The following NLRP2B variants were observed in gnomAD, a reference collection of about 807,000 sequenced individuals.
The protein encoded by NLRP2B is NLR family pyrin domain containing 2B, also known as NLR family pyrin domain-containing protein 2B.
For synonymous variants in NLRP2B, 16 were observed against 3.5 expected (o/e 4.63, Z -4.03); for missense variants, 25 against 6.8 (o/e 3.70, Z -3.00).
rs2011736936 is a variant in NLRP2B, at chrX:57,678,774, G to A, written c.*1349C>T. 2 of 396,076 alleles carry A rather than the reference G, an allele frequency of 5.0e-6. No homozygotes were observed. The highest frequency in any genetic ancestry group is 5.6e-5 in the East Asian group (1 of 17,867). The allele number at this position is 396,076 out of a possible 1,213,427, so 32.6% of individuals were successfully genotyped here. A position where few individuals can be genotyped will look rare whatever the true frequency, so the allele number is the denominator to read the frequency against. ...ACTGCTGGAAGCTGAGGTGGATGTAGGAATAGCAGCCTTTAGAGACTATGT... is the reference window on the plus strand; with the variant it reads ...ACTGCTGGAAGCTGAGGTGGATGTAAGAATAGCAGCCTTTAGAGACTATGT... On this transcript the variant is annotated 3_prime_UTR_variant, in exon 1 of 1. Coordinates refer to ENST00000434992, the MANE Select transcript of NLRP2B (RefSeq NM_001319967.1).
Position 57,678,623 on chromosome X carries a change from G to A in NLRP2B, c.*1500C>T, listed in dbSNP as rs186166192. The A allele has an allele frequency of 7.3e-4, 327 of 448,159 alleles. No homozygotes were observed. Among genetic ancestry groups the A allele is most frequent in the African/African-American group, 6.8e-3 (277 of 40,940 alleles). The allele number at this position is 448,159 out of a possible 1,213,427, so 36.9% of individuals were successfully genotyped here. A position where few individuals can be genotyped will look rare whatever the true frequency, so the allele number is the denominator to read the frequency against. Reference sequence around the variant, plus strand: ...AAGTGTCTTGCTTGGATCAGGTCGGGGTTCTTGAGTCTTTCTTCTCTAGAA... The same window carrying A: ...AAGTGTCTTGCTTGGATCAGGTCGGAGTTCTTGAGTCTTTCTTCTCTAGAA... On this transcript the variant is annotated 3_prime_UTR_variant, in exon 1 of 1. Transcript: ENST00000434992.
At position 57,679,205 on chromosome X, in the gene NLRP2B, A is replaced by T; in HGVS notation, c.*918T>A. The T allele has an allele frequency of 2.2e-6, 1 of 453,794 alleles. No homozygotes were observed. 37.4% of individuals were successfully genotyped at this position (453,794 alleles called of 1,213,427 possible). A position where few individuals can be genotyped will look rare whatever the true frequency, so the allele number is the denominator to read the frequency against. On this transcript the variant is annotated 3_prime_UTR_variant, in exon 1 of 1. Coordinates refer to ENST00000434992, the MANE Select transcript of NLRP2B (RefSeq NM_001319967.1). Reference sequence around the variant, plus strand: ...TCTCCAGGAACTCCTCCACCCTTACATAGATCGGCCGCTCCACCAACAGCC... The same window carrying T: ...TCTCCAGGAACTCCTCCACCCTTACTTAGATCGGCCGCTCCACCAACAGCC...
In NLRP2B at chrX:57,678,394, G is replaced by A; in HGVS notation, c.*1729C>T. 1.9e-6 allele frequency: 1 copy of A among 522,824 alleles called. No homozygotes were observed. Among genetic ancestry groups the A allele is most frequent in the Non-Finnish European group, 3.5e-6 (1 of 283,938 alleles). The allele number at this position is 522,824 out of a possible 1,213,427, so 43.1% of individuals were successfully genotyped here. A position where few individuals can be genotyped will look rare whatever the true frequency, so the allele number is the denominator to read the frequency against. ...GTGCAGGGATATTTCTTTGAACGGA[G>A]CCATCACTCCCTTCACCAGCTCCTC... On this transcript the variant is annotated 3_prime_UTR_variant, in exon 1 of 1. Transcript: ENST00000434992.
In NLRP2B at chrX:57,678,668, C is replaced by T. The variant is rs762274647; in HGVS notation, c.*1455G>A. 4 of 422,280 alleles carry T rather than the reference C, an allele frequency of 9.5e-6. No individual in the cohort carries two copies. Among genetic ancestry groups the T allele is most frequent in the Admixed American group, 3.2e-5 (1 of 31,486 alleles). 34.8% of individuals were successfully genotyped at this position (422,280 alleles called of 1,213,427 possible). A position where few individuals can be genotyped will look rare whatever the true frequency, so the allele number is the denominator to read the frequency against. ...CTAGAAAACAGCTTCTGCACGTCTC[C>T]ATTGTCCCAGGCGTGGCCGTCCTTG... On this transcript the variant is annotated 3_prime_UTR_variant, in exon 1 of 1. Coordinates refer to ENST00000434992, the MANE Select transcript of NLRP2B (RefSeq NM_001319967.1).
rs1238139625 is a variant in NLRP2B, at chrX:57,678,861, C to T, written c.*1262G>A. 2 of 368,067 alleles carry T rather than the reference C, an allele frequency of 5.4e-6. No individual in the cohort carries two copies. Among genetic ancestry groups the T allele is most frequent in the East Asian group, 6.0e-5 (1 of 16,634 alleles). The allele number at this position is 368,067 out of a possible 1,213,427, so 30.3% of individuals were successfully genotyped here. ...TGTTGAACTCCTGCACCCCGAGCCT[C>T]GCCAAGTCCTCTCCACGGAACACTG... On this transcript the variant is annotated 3_prime_UTR_variant, in exon 1 of 1. Coordinates refer to ENST00000434992, the MANE Select transcript of NLRP2B (RefSeq NM_001319967.1).
rs2011733974 is a variant in NLRP2B at position 57,678,621 on chromosome X, G to A, written c.*1502C>T. ...AGAAGTGTCTTGCTTGGATCAGGTC[G>A]GGGTTCTTGAGTCTTTCTTCTCTAG... On this transcript the variant is annotated 3_prime_UTR_variant, in exon 1 of 1. Coordinates refer to ENST00000434992, the MANE Select transcript of NLRP2B (RefSeq NM_001319967.1). 6 of 452,342 alleles carry A rather than the reference G, an allele frequency of 1.3e-5. No individual in the cohort carries two copies. The highest frequency in any genetic ancestry group is 1.2e-4 in the East Asian group (3 of 25,047). 37.3% of individuals were successfully genotyped at this position (452,342 alleles called of 1,213,427 possible).
rs759071241 is a variant in NLRP2B at position 57,678,728 on chromosome X, C to A, written c.*1395G>T. 1.5e-5 allele frequency: 6 copies of A among 399,626 alleles called. No individual in the cohort carries two copies. In the East Asian group the frequency reaches 2.6e-4, roughly 18 times the overall value. The allele number at this position is 399,626 out of a possible 1,213,427, so 32.9% of individuals were successfully genotyped here. A position where few individuals can be genotyped will look rare whatever the true frequency, so the allele number is the denominator to read the frequency against. ...TCCTCCTCCTCCTCCTTCTCCAGGGCGTGGAACAGCACAGTGAAAAACTGC... is the reference window on the plus strand; with the variant it reads ...TCCTCCTCCTCCTCCTTCTCCAGGGAGTGGAACAGCACAGTGAAAAACTGC... On this transcript the variant is annotated 3_prime_UTR_variant, in exon 1 of 1. Transcript: ENST00000434992.
At position 57,677,648 on chromosome X, in the gene NLRP2B, G is replaced by C. The variant is rs779543188; in HGVS notation, c.*2475C>G. 6 of 327,135 alleles carry C rather than the reference G, an allele frequency of 1.8e-5. No individual in the cohort carries two copies. Among genetic ancestry groups the C allele is most frequent in the Non-Finnish European group, 3.5e-5 (6 of 169,686 alleles). The allele number at this position is 327,135 out of a possible 1,213,427, so 27.0% of individuals were successfully genotyped here. On this transcript the variant is annotated 3_prime_UTR_variant, in exon 1 of 1. Coordinates refer to ENST00000434992, the MANE Select transcript of NLRP2B (RefSeq NM_001319967.1). ...GGGGGGTTCTTGGCCAAGCACAGGTGTGTCAGCTCCCCGCTGACAACCAAA... is the reference window on the plus strand; with the variant it reads ...GGGGGGTTCTTGGCCAAGCACAGGTCTGTCAGCTCCCCGCTGACAACCAAA...
At position 57,678,997 on chromosome X, in the gene NLRP2B, G is replaced by A; in HGVS notation, c.*1126C>T. 2 of 452,264 alleles carry A rather than the reference G, an allele frequency of 4.4e-6. No individual in the cohort carries two copies. The highest frequency in any genetic ancestry group is 3.8e-6 in the Non-Finnish European group (1 of 260,116). 37.3% of individuals were successfully genotyped at this position (452,264 alleles called of 1,213,427 possible). ...GCAAAGGAAGCGCAGGAACAGCCCCGTGCGGGTGGGGCGGGTCCTTCCCCT... is the reference window on the plus strand; with the variant it reads ...GCAAAGGAAGCGCAGGAACAGCCCCATGCGGGTGGGGCGGGTCCTTCCCCT... On this transcript the variant is annotated 3_prime_UTR_variant, in exon 1 of 1. Coordinates refer to ENST00000434992, the MANE Select transcript of NLRP2B (RefSeq NM_001319967.1).
Position 57,679,128 on chromosome X carries a change from A to G in NLRP2B, c.*995T>C. On this transcript the variant is annotated 3_prime_UTR_variant, in exon 1 of 1. Transcript: ENST00000434992. ...TCTTCTCATCAGCTCAAAGGCACACATGGCTTGGTCCTCGTCTCCAAAGTG... is the reference window on the plus strand; with the variant it reads ...TCTTCTCATCAGCTCAAAGGCACACGTGGCTTGGTCCTCGTCTCCAAAGTG... 2.1e-6 allele frequency: 1 copy of G among 468,212 alleles called. No individual in the cohort carries two copies. The highest frequency in any genetic ancestry group is 2.5e-5 in the Admixed American group (1 of 39,636). 38.6% of individuals were successfully genotyped at this position (468,212 alleles called of 1,213,427 possible).
rs768132470 is a variant in NLRP2B at position 57,679,768 on chromosome X, G to A, written c.*355C>T. 24 of 365,817 alleles carry A rather than the reference G, an allele frequency of 6.6e-5. No individual in the cohort carries two copies. The highest frequency in any genetic ancestry group is 3.7e-4 in the Admixed American group (9 of 24,483). The allele number at this position is 365,817 out of a possible 1,213,427, so 30.1% of individuals were successfully genotyped here. A position where few individuals can be genotyped will look rare whatever the true frequency, so the allele number is the denominator to read the frequency against. On this transcript the variant is annotated 3_prime_UTR_variant, in exon 1 of 1. Coordinates refer to ENST00000434992, the MANE Select transcript of NLRP2B (RefSeq NM_001319967.1). ...GGTTTTCCACATTTGCCAGAACTTC[G>A]TCTTCAATATACTCCTGTACCTATC...
In NLRP2B at chrX:57,679,606, GT is replaced by G; in HGVS notation, c.*516del. 2 of 505,178 alleles carry G rather than the reference GT, an allele frequency of 4.0e-6. No individual in the cohort carries two copies. The highest frequency in any genetic ancestry group is 7.1e-6 in the Non-Finnish European group (2 of 282,769). 41.6% of individuals were successfully genotyped at this position (505,178 alleles called of 1,213,427 possible). ...CAGCATTAATTTCTTGGCCAGCGTG[GT>G]TTTCCCAAGGCCCGCAGGACCATGC... On this transcript the variant is annotated 3_prime_UTR_variant, in exon 1 of 1. Coordinates refer to ENST00000434992, the MANE Select transcript of NLRP2B (RefSeq NM_001319967.1).
rs1470602240 is a variant in NLRP2B, at chrX:57,680,249, A to G, written c.12T>C (p.Ser4=). The G allele has an allele frequency of 8.3e-6, 3 of 362,222 alleles. No individual in the cohort carries two copies. The highest frequency in any genetic ancestry group is 1.5e-5 in the Non-Finnish European group (3 of 202,757). The allele number at this position is 362,222 out of a possible 1,213,427, so 29.9% of individuals were successfully genotyped here. MVS[S]AQLDFNLQAL... is the part of the protein sequence containing the mutation. ...CCTGCAGGTTGAAGTCCAGCTGTGCAGAAGACACCATCTCGTCTGACGTGG... is the reference window on the plus strand; with the variant it reads ...CCTGCAGGTTGAAGTCCAGCTGTGCGGAAGACACCATCTCGTCTGACGTGG... The change falls in exon 1 of 1, where the codon TCT becomes TCC. Residue 4 remains serine (S), a synonymous_variant. Coordinates refer to ENST00000434992, the MANE Select transcript of NLRP2B (RefSeq NM_001319967.1).
At position 57,679,351 on chromosome X, in the gene NLRP2B, C is replaced by T; in HGVS notation, c.*772G>A. ...CGGCTTCTGCTTCTCCCAGTCCCCACAGATGTCCTAGATCAGTGCCCCAGG... is the reference window on the plus strand; with the variant it reads ...CGGCTTCTGCTTCTCCCAGTCCCCATAGATGTCCTAGATCAGTGCCCCAGG... On this transcript the variant is annotated 3_prime_UTR_variant, in exon 1 of 1. Coordinates refer to ENST00000434992, the MANE Select transcript of NLRP2B (RefSeq NM_001319967.1). The T allele has an allele frequency of 3.2e-6, 2 of 626,232 alleles. No individual in the cohort carries two copies. The highest frequency in any genetic ancestry group is 2.3e-5 in the South Asian group (1 of 42,703). The allele number at this position is 626,232 out of a possible 1,213,427, so 51.6% of individuals were successfully genotyped here.
In NLRP2B at chrX:57,680,101, G is replaced by A; in HGVS notation, c.*22C>T. The A allele has an allele frequency of 4.4e-6, 2 of 451,896 alleles. No individual in the cohort carries two copies. Among genetic ancestry groups the A allele is most frequent in the Admixed American group, 5.9e-5 (2 of 33,809 alleles). The allele number at this position is 451,896 out of a possible 1,213,427, so 37.2% of individuals were successfully genotyped here. On this transcript the variant is annotated 3_prime_UTR_variant, in exon 1 of 1. Transcript: ENST00000434992. ...TGGCTGGTGATGATTTCTGCCAGTT[G>A]CTTCCCATCAGCCTTGTCTACCTAT...
At position 57,678,511 on chromosome X, in the gene NLRP2B, A is replaced by G; in HGVS notation, c.*1612T>C. On this transcript the variant is annotated 3_prime_UTR_variant, in exon 1 of 1. Coordinates refer to ENST00000434992, the MANE Select transcript of NLRP2B (RefSeq NM_001319967.1). The stretch of plus-strand genomic sequence containing the variant: ...TTCACAATTTATCTCTCATCACAGT[A>G]ATTCCTTTTTGATCTCCGGTGACAT... 2.0e-6 allele frequency: 1 copy of G among 509,311 alleles called. No individual in the cohort carries two copies. Among genetic ancestry groups the G allele is most frequent in the East Asian group, 3.6e-5 (1 of 28,137 alleles). The allele number at this position is 509,311 out of a possible 1,213,427, so 42.0% of individuals were successfully genotyped here. A position where few individuals can be genotyped will look rare whatever the true frequency, so the allele number is the denominator to read the frequency against.
At position 57,678,848 on chromosome X, in the gene NLRP2B, G is replaced by T. The variant is rs1602999740; in HGVS notation, c.*1275C>A. On this transcript the variant is annotated 3_prime_UTR_variant, in exon 1 of 1. Transcript: ENST00000434992. ...AGGGACGGGCGGATGTTGAACTCCTGCACCCCGAGCCTCGCCAAGTCCTCT... is the reference window on the plus strand; with the variant it reads ...AGGGACGGGCGGATGTTGAACTCCTTCACCCCGAGCCTCGCCAAGTCCTCT... 1 of 364,495 alleles carries T rather than the reference G, an allele frequency of 2.7e-6. No homozygotes were observed. Among genetic ancestry groups the T allele is most frequent in the Admixed American group, 3.6e-5 (1 of 27,434 alleles). 30.0% of individuals were successfully genotyped at this position (364,495 alleles called of 1,213,427 possible). A position where few individuals can be genotyped will look rare whatever the true frequency, so the allele number is the denominator to read the frequency against.
rs2011744913 is a variant in NLRP2B at position 57,679,228 on chromosome X, G to T, written c.*895C>A. 2 of 451,686 alleles carry T rather than the reference G, an allele frequency of 4.4e-6. No homozygotes were observed. The highest frequency in any genetic ancestry group is 5.7e-5 in the Admixed American group (2 of 35,181). 37.2% of individuals were successfully genotyped at this position (451,686 alleles called of 1,213,427 possible). On this transcript the variant is annotated 3_prime_UTR_variant, in exon 1 of 1. Coordinates refer to ENST00000434992, the MANE Select transcript of NLRP2B (RefSeq NM_001319967.1). The stretch of plus-strand genomic sequence containing the variant: ...ACATAGATCGGCCGCTCCACCAACA[G>T]CCGGAGGTCTCTCAGGGCCCGCAGG...
At position 57,679,257 on chromosome X, in the gene NLRP2B, C is replaced by T. The variant is rs1434075410; in HGVS notation, c.*866G>A. On this transcript the variant is annotated 3_prime_UTR_variant, in exon 1 of 1. Coordinates refer to ENST00000434992, the MANE Select transcript of NLRP2B (RefSeq NM_001319967.1). ...GAGGTCTCTCAGGGCCCGCAGGCCACGTGGTGACCAGCACGGCGGCCCTGG... is the reference window on the plus strand; with the variant it reads ...GAGGTCTCTCAGGGCCCGCAGGCCATGTGGTGACCAGCACGGCGGCCCTGG... 9 of 457,038 alleles carry T rather than the reference C, an allele frequency of 2.0e-5. No homozygotes were observed. The highest frequency in any genetic ancestry group is 1.6e-4 in the East Asian group (4 of 24,397). 37.7% of individuals were successfully genotyped at this position (457,038 alleles called of 1,213,427 possible).
Sources: gnomAD v4.1 joint callset for allele counts on GRCh38, gnomAD v4.1.1 for gene constraint, MANE v1.5 for transcripts, NCBI Gene and HGNC (gene_info 2026-07-23, HGNC 2026-07-21) for gene names.